PFKFB2: variants seen among roughly 807,000 people sequenced by gnomAD.
PFKFB2 encodes 6-phosphofructo-2-kinase/fructose-2,6-bisphosphatase 2.
In PFKFB2, 53 loss-of-function variants were observed where a neutral mutation model predicts 68.0. The observed-to-expected ratio is 0.78, with a 90% CI of 0.63 to 0.98. The LOEUF is 0.98. Among genes scored for constraint, PFKFB2 ranks in the 50% least tolerant of loss-of-function variants. PFKFB2 has a pLI of 0.00. For synonymous variants in PFKFB2, 222 were observed against 227.6 expected (o/e 0.98, Z 0.22); for missense variants, 451 against 642.0 (o/e 0.70, Z 3.22).
rs1412437050 is a variant in PFKFB2 at position 207,073,766 on chromosome 1, C to T, written c.*1395C>T. The stretch of plus-strand genomic sequence containing the variant: ...AAATGTTTAGGGAAGAAATTCTTAG[C>T]CCCTTGATGACCATGATGGCTTATT... On this transcript the variant is annotated 3_prime_UTR_variant, in exon 15 of 15. Transcript: ENST00000367080. 1.0e-6 allele frequency: 1 copy of T among 983,890 alleles called. No homozygotes were observed. Among genetic ancestry groups the T allele is most frequent in the Non-Finnish European group, 1.2e-6 (1 of 828,646 alleles). The allele number at this position is 983,890 out of a possible 1,614,324, so 60.9% of individuals were successfully genotyped here.
chr1:207,047,566 C>A (rs1682629344), intron 2 of PFKFB2: 1 of 152,634 alleles, frequency 6.6e-6, no homozygotes, highest in East Asian at 1.9e-4. Flanking sequence ...AGCCTCTTCA[C>A]ATTATGTGAG....
At chr1:207,078,742 G>C (rs1381920720), downstream of PFKFB2, among the ~76,000 whole-genome samples, 1 of 152,202 alleles carries the variant, frequency 6.6e-6, no homozygotes, top group Non-Finnish European at 1.5e-5. Flanking sequence ...TGGTCACGAG[G>C]TCAGCTCCTC....
In PFKFB2 at chr1:207,070,629, C is replaced by T; in HGVS notation, c.1222+220C>T. The T allele has an allele frequency of 2.0e-6, 1 of 496,540 alleles. No homozygotes were observed. Among genetic ancestry groups the T allele is most frequent in the Non-Finnish European group, 3.6e-6 (1 of 274,732 alleles). The allele number at this position is 496,540 out of a possible 1,614,324, so 30.8% of individuals were successfully genotyped here. On this transcript the variant is annotated intron_variant, in intron 12 of 14. Coordinates refer to ENST00000367080, the MANE Select transcript of PFKFB2 (RefSeq NM_006212.2). The surrounding 1 kb of genome is among the most constrained non-coding windows in gnomAD (Gnocchi z 4.2). ...CAATGGAGAGTGGCTGCTGCTGGTG[C>T]TCCTTGATCCTGCCTGGCTCAAGGG...
At chr1:207,054,562 C>T in intron 1 of PFKFB2, 139 bp from the exon 2 acceptor site, 2 of 581,194 alleles carry the variant, frequency 3.4e-6, no homozygotes, top group Non-Finnish European at 6.1e-6. Context: ...TAGCTGCTAA[C>T]TGGGAGAAAC....
At chr1:207,035,105 T>A in intron 1 of PFKFB2, 2 of 947,298 alleles carry the variant, frequency 2.1e-6, no homozygotes, top group Non-Finnish European at 2.5e-6. Context: ...GCTCTTAGTA[T>A]GTAAATGCCT....
intron 1 of PFKFB2, chr1:207,035,283 C>T (rs187227127): frequency 2.8e-6 from 2 of 726,712 alleles, no homozygotes; most frequent in Non-Finnish European, 3.4e-6. Flanking sequence ...ACCTCCCTTC[C>T]CTCTAAGTGC....
intron 2 of PFKFB2, among the ~76,000 whole-genome samples, chr1:207,057,400 C>A (rs1203857233): frequency 6.7e-6 from 1 of 149,230 alleles, no homozygotes; most frequent in Non-Finnish European, 1.5e-5. Flanking sequence ...ATGGCTTGAA[C>A]CCGGGAGGCG....
Position 207,074,695 on chromosome 1 carries a change from G to A in PFKFB2, c.*2324G>A. ...CTTTGTGGAGCTTTGGGCTGGTAGG[G>A]GCAGGGATAGGGGAAAGCTAAACAG... On this transcript the variant is annotated 3_prime_UTR_variant, in exon 15 of 15. Transcript: ENST00000367080. The A allele has an allele frequency of 2.0e-6, 2 of 985,420 alleles. No individual in the cohort carries two copies. Among genetic ancestry groups the A allele is most frequent in the South Asian group, 9.4e-5 (2 of 21,292 alleles). 61.0% of individuals were successfully genotyped at this position (985,420 alleles called of 1,614,324 possible). A position where few individuals can be genotyped will look rare whatever the true frequency, so the allele number is the denominator to read the frequency against.
chr1:207,063,176 G>C lies in PFKFB2; in HGVS notation c.342G>C (p.Lys114Asn). The C allele has an allele frequency of 6.2e-7, 1 of 1,614,094 alleles. No individual in the cohort carries two copies. Among genetic ancestry groups the C allele is most frequent in the Non-Finnish European group, 8.5e-7 (1 of 1,179,944 alleles). The change falls in exon 5 of 15, where the codon AAG becomes AAC. Residue 114 changes from lysine (K) to asparagine (N), a missense_variant. Lys to Asn is a moderately conservative substitution (Grantham distance 94). Transcript: ENST00000367080. This position sits in a 1 kb window ranked among gnomAD's most constrained non-coding sequence, Gnocchi z 4.1. ...CTCTGGTGGCGCTGGAAGATGTTAA[G>C]GCGTATCTCACTGAGGAGAATGGTC... ...QCALVALEDV[K>N]AYLTEENGQI... is the part of the protein sequence containing the mutation.
chr1:207,060,299 T>C (rs971719354), intron 2 of PFKFB2, among the ~76,000 whole-genome samples: 1 of 152,254 alleles, frequency 6.6e-6, no homozygotes, highest in Admixed American at 6.5e-5. Context: ...TTGCCCTGCC[T>C]GTCCAGTGAG....
chr1:207,072,123 G>A (rs1203108141), intron 14 of PFKFB2, 81 bp from the exon 15 acceptor site: 1 of 1,557,370 alleles, frequency 6.4e-7, no homozygotes, highest in East Asian at 2.3e-5. Flanking sequence ...AGCTGTTGTG[G>A]TTACAAGCGC....
Position 207,061,826 on chromosome 1 carries a change from G to A in PFKFB2, c.86-127G>A, listed in dbSNP as rs575527971. The A allele has an allele frequency of 4.9e-5, 38 of 774,598 alleles. No individual in the cohort carries two copies. In the Admixed American group the frequency reaches 5.4e-4, roughly 11 times the overall value. 48.0% of individuals were successfully genotyped at this position (774,598 alleles called of 1,614,324 possible). A position where few individuals can be genotyped will look rare whatever the true frequency, so the allele number is the denominator to read the frequency against. On this transcript the variant is annotated intron_variant, in intron 2 of 14. Coordinates refer to ENST00000367080, the MANE Select transcript of PFKFB2 (RefSeq NM_006212.2). ...GAACCTGGGAGGCGGAGGTTGCAAT[G>A]AGCTGAGATCACGCCACTGTACTCC...
intron 2 of PFKFB2, chr1:207,044,847 C>T (rs1430736014): frequency 1.3e-5 from 2 of 152,466 alleles, no homozygotes; most frequent in African/African-American, 2.4e-5. Context: ...GAGGGGGTTA[C>T]CAACCTCCTT....
chr1:207,070,186 G>T lies in PFKFB2; in HGVS notation c.1093-94G>T. ...TCCAGGAGGAAAGCCAGCTGAGGAA[G>T]AAGAAGTGGCCCTTAGTCTCCAAGG... On this transcript the variant is annotated intron_variant, in intron 11 of 14. Transcript: ENST00000367080. This position sits in a 1 kb window ranked among gnomAD's most constrained non-coding sequence, Gnocchi z 4.2. 1.4e-6 allele frequency: 2 copies of T among 1,462,490 alleles called. No homozygotes were observed. Among genetic ancestry groups the T allele is most frequent in the Non-Finnish European group, 1.9e-6 (2 of 1,070,356 alleles). The allele number at this position is 1,462,490 out of a possible 1,614,324, so 90.6% of individuals were successfully genotyped here.
chr1:207,080,311 G>C (rs1683731437), downstream of PFKFB2: 1 of 152,050 alleles, frequency 6.6e-6, no homozygotes, highest in East Asian at 1.9e-4. Flanking sequence ...TGGGCAAAAG[G>C]GTGAGTAGCA....
chr1:207,054,837 T>C, intron 2 of PFKFB2, 35 bp downstream of exon 2: 2 of 1,392,378 alleles, frequency 1.4e-6, no homozygotes, highest in Non-Finnish European at 2.0e-6. Flanking sequence ...CTGCTCTCTC[T>C]CAGCATTTTA....
Position 207,071,537 on chromosome 1 carries a change from C to T in PFKFB2, c.1314C>T (p.Asn438=), listed in dbSNP as rs775425249. Residue 438 remains asparagine (N), a synonymous_variant, in exon 14 of 15, where the codon AAC becomes AAT. Coordinates refer to ENST00000367080, the MANE Select transcript of PFKFB2 (RefSeq NM_006212.2). ...YGCKVETIKL[N]VEAVNTHRDK... ...GCAAAGTGGAAACAATTAAACTTAA[C>T]GTGGAGGCTGTGAACACGCACCGTG... 6.9e-5 allele frequency: 111 copies of T among 1,613,870 alleles called. No homozygotes were observed. The highest frequency in any genetic ancestry group is 6.6e-4 in the Middle Eastern group (4 of 6,060).
chr1:207,040,740 G>A (rs1682460205), intron 1 of PFKFB2, among the ~76,000 whole-genome samples: 1 of 152,060 alleles, frequency 6.6e-6, no homozygotes, highest in Non-Finnish European at 1.5e-5. Flanking sequence ...AAAGATATAA[G>A]ATAAGCATAG....
At chr1:207,051,809 T>G (rs1191506273), upstream of PFKFB2, among the ~76,000 whole-genome samples, 1 of 152,216 alleles carries the variant, frequency 6.6e-6, no homozygotes, top group Non-Finnish European at 1.5e-5. Context: ...TATCTGTACC[T>G]TTTCAAACGT....
Sources: gnomAD v4.1 joint callset for allele counts (sites outside exome capture counted in the v4.1 genomes callset) on GRCh38, gnomAD v4.1.1 for gene constraint, Gnocchi (gnomAD v3.1) non-coding constraint, MANE v1.5 for transcripts, NCBI Gene and HGNC (gene_info 2026-07-23, HGNC 2026-07-21) for gene names.